The following GALNT13 variants were observed in gnomAD, a reference collection of about 807,000 sequenced individuals.
GALNT13 encodes UDP-GalNAc:polypeptide N-acetylgalactosaminyltransferase 13.
In GALNT13, 28 loss-of-function variants were observed where a neutral mutation model predicts 64.2. The observed-to-expected ratio is 0.44, with a 90% CI of 0.32 to 0.60. GALNT13 has a LOEUF of 0.60. Ranked by LOEUF, GALNT13 falls within the 20% of genes least tolerant of loss-of-function variation. GALNT13 has a pLI of 0.05. For missense variants in GALNT13, 577 were observed against 669.8 expected, an observed-to-expected ratio of 0.86 and a Z score of 1.53; for synonymous variants, 214 against 224.6, an observed-to-expected ratio of 0.95 and a Z score of 0.42.
chr2:153,264,448 A>T, the GALNT13 span, among the ~76,000 whole-genome samples: 1 of 152,320 alleles, frequency 6.6e-6, no homozygotes, highest in African/African-American at 2.4e-5. Flanking sequence ...TATATACCCA[A>T]AGGAATATAA....
chr2:153,213,478 G>A, the GALNT13 span, among the ~76,000 whole-genome samples: 5 of 152,176 alleles, frequency 3.3e-5, no homozygotes, highest in Non-Finnish European at 5.9e-5. Context: ...AACATCATTG[G>A]GAAGACAGTG....
chr2:153,626,919 C>T, the GALNT13 span, among the ~76,000 whole-genome samples: 1 of 152,016 alleles, frequency 6.6e-6, no homozygotes, highest in Non-Finnish European at 1.5e-5. Context: ...GGAATTTATG[C>T]AATAACATAT....
At chr2:154,235,028 T>C (rs1689120100) in intron 4 of GALNT13, among the ~76,000 whole-genome samples, 1 of 152,176 alleles carries the variant, frequency 6.6e-6, no homozygotes, top group South Asian at 2.1e-4. Flanking sequence ...TTCCTGTTCC[T>C]ATTTTGTCCA....
chr2:153,777,115 G>C, the GALNT13 span, among the ~76,000 whole-genome samples: 1 of 150,002 alleles, frequency 6.7e-6, no homozygotes, highest in Non-Finnish European at 1.5e-5. Flanking sequence ...CTACTGAAAA[G>C]ACATAGCTAT....
chr2:154,179,506 C>G (rs1685840553), intron 4 of GALNT13, among the ~76,000 whole-genome samples: 1 of 152,036 alleles, frequency 6.6e-6, no homozygotes. Context: ...ACAAAATGTT[C>G]TTAACGTCAG....
chr2:153,703,953 T>C, the GALNT13 span, among the ~76,000 whole-genome samples: 3 of 152,054 alleles, frequency 2.0e-5, no homozygotes, highest in South Asian at 6.2e-4. Flanking sequence ...CAGATGAAAA[T>C]TTCTATGTTT....
intron 3 of GALNT13, among the ~76,000 whole-genome samples, chr2:154,018,345 G>A (rs182744004): frequency 5.6e-4 from 85 of 152,288 alleles, no homozygotes; most frequent in Non-Finnish European, 3.5e-4. Flanking sequence ...ACTTCCTCCA[G>A]CTACCTGGAC....
the GALNT13 span, among the ~76,000 whole-genome samples, chr2:153,248,911 A>G: frequency 1.3e-5 from 2 of 151,860 alleles, no homozygotes; most frequent in Admixed American, 6.6e-5. Context: ...TTACAAACCC[A>G]GAACAAATAT....
At chr2:153,713,610 G>A in the GALNT13 span, among the ~76,000 whole-genome samples, 3 of 152,278 alleles carry the variant, frequency 2.0e-5, no homozygotes, top group Admixed American at 6.5e-5. Flanking sequence ...AGCCTCCTGA[G>A]TAGCTGAGAC....
the GALNT13 span, among the ~76,000 whole-genome samples, chr2:153,301,434 G>A: frequency 6.6e-6 from 1 of 151,696 alleles, no homozygotes; most frequent in African/African-American, 2.4e-5. Context: ...CAAATAAAAG[G>A]TGTATATATG....
the GALNT13 span, among the ~76,000 whole-genome samples, chr2:153,529,078 C>T: frequency 3.5e-3 from 536 of 151,368 alleles, 4 homozygotes; most frequent in African/African-American, 0.012. Context: ...AAGATCAGAG[C>T]AGAAATAAAT....
chr2:154,382,036 T>C (rs886642239), intron 9 of GALNT13, among the ~76,000 whole-genome samples: 1 of 152,130 alleles, frequency 6.6e-6, no homozygotes. Context: ...AGCTATGATA[T>C]AATTCAAAAT....
At chr2:153,911,480 T>C (rs187072175) in intron 2 of GALNT13, among the ~76,000 whole-genome samples, 1 of 152,276 alleles carries the variant, frequency 6.6e-6, no homozygotes, top group East Asian at 1.9e-4. Context: ...TGCAGATTTG[T>C]TTTTATAGTT....
intron 3 of GALNT13, among the ~76,000 whole-genome samples, chr2:154,130,642 G>A (rs1410899282): frequency 6.6e-6 from 1 of 152,036 alleles, no homozygotes; most frequent in Non-Finnish European, 1.5e-5. Flanking sequence ...AGCTCTGTTA[G>A]ATATTTTATG....
At chr2:153,601,768 T>C in the GALNT13 span, among the ~76,000 whole-genome samples, 1 of 151,862 alleles carries the variant, frequency 6.6e-6, no homozygotes, top group African/African-American at 2.4e-5. Flanking sequence ...ACAAAAAAGA[T>C]GTTCCTTACT....
the GALNT13 span, among the ~76,000 whole-genome samples, chr2:153,343,550 T>A: frequency 8.7e-6 from 1 of 114,584 alleles, no homozygotes; most frequent in Non-Finnish European, 2.1e-5. Context: ...AGAAAATAGA[T>A]AAAATAAAAA....
At chr2:154,363,878 A>G (rs1383158653) in intron 9 of GALNT13, among the ~76,000 whole-genome samples, 1 of 152,254 alleles carries the variant, frequency 6.6e-6, no homozygotes, top group Non-Finnish European at 1.5e-5. Context: ...GTGGGTAGGC[A>G]TAGACGTCTC....
At chr2:154,401,601 A>AC (rs1699306005) in intron 10 of GALNT13, among the ~76,000 whole-genome samples, 1 of 152,130 alleles carries the variant, frequency 6.6e-6, no homozygotes, top group Non-Finnish European at 1.5e-5. Context: ...AAAATATTGT[A>AC]TTTTTTTAAC....
chr2:154,014,648 T>TTTG (rs1558908309), intron 3 of GALNT13, among the ~76,000 whole-genome samples: 2 of 139,258 alleles, frequency 1.4e-5, no homozygotes, highest in Admixed American at 7.3e-5. Context: ...TTTTTTTTTT[T>TTTG]TTGAGACGGA....
Sources: allele counts gnomAD v4.1 joint callset (sites outside exome capture counted in the v4.1 genomes callset), GRCh38; gene constraint gnomAD v4.1.1; transcripts MANE v1.5; gene names NCBI Gene and HGNC (gene_info 2026-07-23, HGNC 2026-07-21).